The following LRPPRC variants were observed in gnomAD, a reference collection of about 807,000 sequenced individuals.
LRPPRC encodes the protein leucine-rich PPR motif-containing protein, mitochondrial.
A neutral mutation model predicts 180.3 loss-of-function variants in LRPPRC; 120 were observed. That is an observed-to-expected ratio of 0.67 (90% CI 0.57 to 0.77). LRPPRC has a LOEUF of 0.77. Ranked by LOEUF, LRPPRC falls within the 30% of genes least tolerant of loss-of-function variation. The pLI is 0.00. For missense variants in LRPPRC, 2,012 were observed against 1,657.2 expected (o/e 1.21, Z -3.72); for synonymous variants, 723 against 600.0 (o/e 1.21, Z -3.00).
chr2:43,973,328 T>A lies in LRPPRC; in HGVS notation c.1369+279A>T, dbSNP rs548838807. Among the ~76,000 whole-genome samples, 3 of 152,216 alleles carry A rather than the reference T, an allele frequency of 2.0e-5. No homozygotes were observed. The South Asian group carries it at 6.2e-4, about 32-fold the overall frequency. On this transcript the variant is annotated intron_variant, in intron 11 of 37. Coordinates refer to ENST00000260665, the MANE Select transcript of LRPPRC (RefSeq NM_133259.4). ...TATATAAAATCAAGAACTAAAGAGT[T>A]TTTTTAAGAACTTAAAAAAACTACG... is the stretch of plus-strand genomic sequence containing the variant.
intron 23 of LRPPRC, among the ~76,000 whole-genome samples, chr2:43,939,849 T>C (rs563659702): frequency 6.6e-6 from 1 of 152,196 alleles, no homozygotes; most frequent in Non-Finnish European, 1.5e-5. Context: ...TGTCAAGTGC[T>C]TTCCAGCCAA....
At position 43,995,816 on chromosome 2, in the gene LRPPRC, G is replaced by A. The variant is rs1675029599; in HGVS notation, c.132C>T (p.Arg44=). 1.4e-6 allele frequency: 2 copies of A among 1,407,506 alleles called. No homozygotes were observed. Among genetic ancestry groups the A allele is most frequent in the Non-Finnish European group, 1.8e-6 (2 of 1,092,944 alleles). The allele number at this position is 1,407,506 out of a possible 1,614,324, so 87.2% of individuals were successfully genotyped here. ...LHAASYLPAA[R]AGPVAGGLLS... ...GCACTCACCCGGCCACGGGCCCGGC[G>A]CGAGCGGCGGGCAGATAGGAGGCGG... Residue 44 remains arginine, a synonymous_variant, in exon 1 of 38, where the codon CGC becomes CGT. Transcript: ENST00000260665.
chr2:43,905,647 T>A, intron 31 of LRPPRC, 45 bp downstream of exon 31: 1 of 1,363,958 alleles, frequency 7.3e-7, no homozygotes, highest in Non-Finnish European at 1.1e-6. Flanking sequence ...AAGAAAAATC[T>A]GCAGAGGCAT....
In LRPPRC at chr2:43,974,091, T is replaced by C. The variant is rs369265623; in HGVS notation, c.1155+59A>G. 3.2e-5 allele frequency: 48 copies of C among 1,491,104 alleles called. No individual in the cohort carries two copies. In the East Asian group the frequency reaches 4.1e-4, roughly 13 times the overall value. 92.4% of individuals were successfully genotyped at this position (1,491,104 alleles called of 1,614,324 possible). A position where few individuals can be genotyped will look rare whatever the true frequency, so the allele number is the denominator to read the frequency against. ...TAATCTTATAAATGTTCCTATACTT[T>C]AAAGAATCTTATTTCACTGCCAATT... On this transcript the variant is annotated intron_variant, in intron 9 of 37. Transcript: ENST00000260665.
Position 43,979,945 on chromosome 2 carries a change from C to A in LRPPRC, c.350G>T (p.Gly117Val). ...KVFNDTCRSG[G>V]LGGSHALLLL... ...AAGCAAGGCATGACTACCACCTAGGCCACCTGTGGAAAAAAGGTTAATGGA... is the reference window on the plus strand; with the variant it reads ...AAGCAAGGCATGACTACCACCTAGGACACCTGTGGAAAAAAGGTTAATGGA... Residue 117 changes from glycine to valine, a missense_variant, in exon 3 of 38, where the codon GGC (glycine) becomes GTC (valine). Gly to Val is a moderately radical substitution (Grantham distance 109). Coordinates refer to ENST00000260665, the MANE Select transcript of LRPPRC (RefSeq NM_133259.4). 6.2e-7 allele frequency: 1 copy of A among 1,613,684 alleles called. No homozygotes were observed. Among genetic ancestry groups the A allele is most frequent in the Middle Eastern group, 1.7e-4 (1 of 6,056 alleles).
chr2:43,934,965 C>A, intron 23 of LRPPRC, 87 bp from the exon 24 acceptor site: 1 of 1,074,384 alleles, frequency 9.3e-7, no homozygotes, highest in Non-Finnish European at 1.4e-6. Context: ...GTTTAATGAC[C>A]AGTTAATATG....
At chr2:43,993,847 C>T (rs962930769) in intron 1 of LRPPRC, among the ~76,000 whole-genome samples, 7 of 151,872 alleles carry the variant, frequency 4.6e-5, no homozygotes, top group East Asian at 3.9e-4. Flanking sequence ...TGAGGTAAGG[C>T]TTCCCTGAAG....
At position 43,960,639 on chromosome 2, in the gene LRPPRC, A is replaced by G. The variant is rs1310103811; in HGVS notation, c.1489-5T>C. ...ATCAGACAGACATCCATTTTCCTGG[A>G]GATAAAGCATATATCAATGAGAATA... On this transcript the variant is annotated splice_region_variant and splice_polypyrimidine_tract_variant and intron_variant, in intron 12 of 37. Transcript: ENST00000260665. The G allele has an allele frequency of 6.9e-7, 1 of 1,451,732 alleles. No individual in the cohort carries two copies. The highest frequency in any genetic ancestry group is 1.1e-5 in the South Asian group (1 of 87,838). The allele number at this position is 1,451,732 out of a possible 1,614,324, so 89.9% of individuals were successfully genotyped here. A position where few individuals can be genotyped will look rare whatever the true frequency, so the allele number is the denominator to read the frequency against.
At chr2:43,973,149 A>G (rs1164451141) in intron 11 of LRPPRC, among the ~76,000 whole-genome samples, 1 of 152,196 alleles carries the variant, frequency 6.6e-6, no homozygotes, top group Non-Finnish European at 1.5e-5. Flanking sequence ...TCACAATAAA[A>G]GTTTTCCTGC....
In LRPPRC at chr2:43,989,049, T is replaced by C. The variant is rs543602447; in HGVS notation, c.150-6615A>G. On this transcript the variant is annotated intron_variant, in intron 1 of 37. Coordinates refer to ENST00000260665, the MANE Select transcript of LRPPRC (RefSeq NM_133259.4). Reference sequence around the variant, plus strand: ...GCCACCACAGCTGGCTAATTTCTTTTTTTCTAGAGACAGGAGTCTCACTAT... The same window carrying C: ...GCCACCACAGCTGGCTAATTTCTTTCTTTCTAGAGACAGGAGTCTCACTAT... 2.0e-5 allele frequency among the ~76,000 whole-genome samples: 3 copies of C among 152,204 alleles called. No individual in the cohort carries two copies. The South Asian group carries it at 6.2e-4, about 32-fold the overall frequency.
Position 43,950,431 on chromosome 2 carries a change from T to C in LRPPRC, c.1677+142A>G, listed in dbSNP as rs1193928610. 7 of 728,404 alleles carry C rather than the reference T, an allele frequency of 9.6e-6. No homozygotes were observed. The East Asian group carries it at 1.6e-4, about 16-fold the overall frequency. The allele number at this position is 728,404 out of a possible 1,614,324, so 45.1% of individuals were successfully genotyped here. ...AAACACTAAAAGACACACATAACTA[T>C]TATTTTTCAACATTAACTCTGCCAG... On this transcript the variant is annotated intron_variant, in intron 15 of 37. Coordinates refer to ENST00000260665, the MANE Select transcript of LRPPRC (RefSeq NM_133259.4).
intron 27 of LRPPRC, among the ~76,000 whole-genome samples, chr2:43,919,187 A>G (rs1671607391): frequency 6.6e-6 from 1 of 152,120 alleles, no homozygotes; most frequent in Admixed American, 6.5e-5. Context: ...CCTTATGAGA[A>G]TCTAACTAAT....
Position 43,957,275 on chromosome 2 carries a change from ATGT to A in LRPPRC, c.1649+107_1649+109del. 4 of 810,942 alleles carry A rather than the reference ATGT, an allele frequency of 4.9e-6. No homozygotes were observed. In the African/African-American group the frequency reaches 6.7e-5, roughly 14 times the overall value. The allele number at this position is 810,942 out of a possible 1,614,324, so 50.2% of individuals were successfully genotyped here. A position where few individuals can be genotyped will look rare whatever the true frequency, so the allele number is the denominator to read the frequency against. ...GCAAAGGTTATTTCAGGTAAACTGA[ATGT>A]ACACTGAAAGATAAGAATATTTGTA... On this transcript the variant is annotated intron_variant, in intron 14 of 37. Coordinates refer to ENST00000260665, the MANE Select transcript of LRPPRC (RefSeq NM_133259.4).
At chr2:43,969,108 C>G (rs1248187847) in intron 11 of LRPPRC, among the ~76,000 whole-genome samples, 1 of 152,164 alleles carries the variant, frequency 6.6e-6, no homozygotes, top group African/African-American at 2.4e-5. Context: ...ACAAGCATAA[C>G]TTGAGTAAGA....
chr2:43,987,596 G>C (rs1395759917), intron 1 of LRPPRC, among the ~76,000 whole-genome samples: 1 of 150,260 alleles, frequency 6.7e-6, no homozygotes, highest in Non-Finnish European at 1.5e-5. Context: ...CAAAATCTTA[G>C]ACTAATTATT....
intron 25 of LRPPRC, among the ~76,000 whole-genome samples, chr2:43,928,211 T>C (rs1171876282): frequency 6.6e-6 from 1 of 152,184 alleles, no homozygotes; most frequent in Non-Finnish European, 1.5e-5. Flanking sequence ...GGTTTACTTG[T>C]ATAGGGGAAA....
At chr2:43,964,652 A>C (rs916299367) in intron 11 of LRPPRC, among the ~76,000 whole-genome samples, 2 of 152,210 alleles carry the variant, frequency 1.3e-5, no homozygotes, top group African/African-American at 4.8e-5. Context: ...GTCTAACTAC[A>C]TTATAAATAC....
chr2:43,966,798 C>T (rs1191011014), intron 11 of LRPPRC, among the ~76,000 whole-genome samples: 1 of 151,966 alleles, frequency 6.6e-6, no homozygotes, highest in East Asian at 1.9e-4. Context: ...CACCTGTAAT[C>T]CCAGCACTTT....
At chr2:43,972,692 T>C (rs1673871758) in intron 11 of LRPPRC, among the ~76,000 whole-genome samples, 1 of 152,238 alleles carries the variant, frequency 6.6e-6, no homozygotes, top group African/African-American at 2.4e-5. Flanking sequence ...TAGGGAATAC[T>C]TGTTTCACTA....
Sources: allele counts gnomAD v4.1 joint callset (sites outside exome capture counted in the v4.1 genomes callset), GRCh38; gene constraint gnomAD v4.1.1; transcripts MANE v1.5; gene names NCBI Gene and HGNC (gene_info 2026-07-23, HGNC 2026-07-21).